The following ROBO2 variants were observed in gnomAD, a reference collection of about 807,000 sequenced individuals.
The protein encoded by ROBO2 is roundabout guidance receptor 2.
In ROBO2, 53 loss-of-function variants were observed where a neutral mutation model predicts 160.8. The observed-to-expected ratio is 0.33, with a 90% confidence interval of 0.26 to 0.41. The LOEUF is 0.41. Ranked by LOEUF, ROBO2 falls within the 10% of genes least tolerant of loss-of-function variation. ROBO2 has a pLI of 1.00. For missense variants in ROBO2, 1,577 were observed against 1,722.4 expected (o/e 0.92, Z 1.49); for synonymous variants, 664 against 611.7 (o/e 1.09, Z -1.26).
At chr3:76,034,804 A>G (rs765350348) in intron 2 of ROBO2, among the ~76,000 whole-genome samples, 2 of 152,036 alleles carry the variant, frequency 1.3e-5, no homozygotes, top group South Asian at 2.1e-4. Flanking sequence ...GGTTCCAGCT[A>G]TCATTCATCA....
Position 76,443,670 on chromosome 3 carries a change from A to AT in ROBO2, c.109+506076dup, listed in dbSNP as rs995095066. On this transcript the variant is annotated intron_variant, in intron 2 of 26. Coordinates refer to the ROBO2 transcript ENST00000487694. Reference sequence around the variant, plus strand: ...CAATTTAAGTGTCAGCTTCAGTCCAATTTTTTTTAGAGGCCACCTGCAACA... The same window carrying AT: ...CAATTTAAGTGTCAGCTTCAGTCCAATTTTTTTTTAGAGGCCACCTGCAACA... Among the ~76,000 whole-genome samples, 37 of 152,026 alleles carry AT rather than the reference A, an allele frequency of 2.4e-4. No individual in the cohort carries two copies. The South Asian group carries it at 2.9e-3, about 12-fold the overall frequency.
intron 2 of ROBO2, among the ~76,000 whole-genome samples, chr3:76,303,979 T>TA (rs1266163820): frequency 2.0e-5 from 3 of 152,200 alleles, no homozygotes; most frequent in African/African-American, 7.2e-5. Context: ...GAAAAAGGAA[T>TA]AAAAATATTT....
chr3:76,074,762 T>C (rs556684195), intron 2 of ROBO2, among the ~76,000 whole-genome samples: 1 of 152,294 alleles, frequency 6.6e-6, no homozygotes, highest in Middle Eastern at 3.4e-3. Flanking sequence ...CCACATATGC[T>C]AGTTTTTTAA....
intron 2 of ROBO2, among the ~76,000 whole-genome samples, chr3:76,266,638 GA>G: frequency 6.6e-6 from 1 of 152,172 alleles, no homozygotes; most frequent in Middle Eastern, 3.4e-3. Flanking sequence ...GATTTATTAT[GA>G]ATGTTCTGAA....
chr3:76,234,936 G>A (rs1704848330), intron 2 of ROBO2, among the ~76,000 whole-genome samples: 2 of 152,060 alleles, frequency 1.3e-5, no homozygotes, highest in Non-Finnish European at 2.9e-5. Flanking sequence ...AGTCTCTCTT[G>A]TAGCTGATTT....
At chr3:76,825,913 T>C (rs1484059246) in intron 2 of ROBO2, among the ~76,000 whole-genome samples, 1 of 152,084 alleles carries the variant, frequency 6.6e-6, no homozygotes, top group Non-Finnish European at 1.5e-5. Context: ...TACTGTTCTT[T>C]TGTTAATATT....
intron 1 of ROBO2, among the ~76,000 whole-genome samples, chr3:77,065,863 A>C (rs2149799367): frequency 6.6e-6 from 1 of 152,210 alleles, no homozygotes. Context: ...AATTGAGATG[A>C]ATGGTTTGGT....
intron 2 of ROBO2, among the ~76,000 whole-genome samples, chr3:76,098,113 T>C (rs1431789203): frequency 6.6e-6 from 1 of 152,154 alleles, no homozygotes; most frequent in Non-Finnish European, 1.5e-5. Flanking sequence ...TGTCATCATG[T>C]AGGTGTACGT....
At chr3:76,227,970 C>T (rs1300026207) in intron 2 of ROBO2, among the ~76,000 whole-genome samples, 1 of 152,066 alleles carries the variant, frequency 6.6e-6, no homozygotes, top group African/African-American at 2.4e-5. Flanking sequence ...GCCTAATATA[C>T]TCTATACAAA....
intron 2 of ROBO2, among the ~76,000 whole-genome samples, chr3:77,356,056 T>C (rs145610241): frequency 5.7e-4 from 87 of 152,300 alleles, no homozygotes; most frequent in African/African-American, 2.0e-3. Flanking sequence ...ATCCATTCTA[T>C]GGTAATACTT....
intron 2 of ROBO2, among the ~76,000 whole-genome samples, chr3:76,310,162 G>A (rs925904723): frequency 6.6e-6 from 1 of 152,034 alleles, no homozygotes. Flanking sequence ...CTTCACCCAC[G>A]TCATCTTCAT....
At chr3:77,568,338 G>A (rs1206152932) in exon 13 of ROBO2, 2 of 1,612,908 alleles carry the variant, frequency 1.2e-6, no homozygotes, top group South Asian at 2.2e-5. Context: ...CACAAGGAGT[G>A]GACCACAGGC....
chr3:77,442,884 A>G (rs2153555219), intron 2 of ROBO2, among the ~76,000 whole-genome samples: 1 of 152,340 alleles, frequency 6.6e-6, no homozygotes, highest in Non-Finnish European at 1.5e-5. Flanking sequence ...AGTAATAATA[A>G]ACACCTGAAT....
chr3:76,040,613 A>G (rs1024199750), intron 2 of ROBO2, among the ~76,000 whole-genome samples: 4 of 152,086 alleles, frequency 2.6e-5, no homozygotes, highest in African/African-American at 9.7e-5. Flanking sequence ...CAAATGTTTC[A>G]ATACTGTTTA....
intron 2 of ROBO2, among the ~76,000 whole-genome samples, chr3:76,368,365 T>C (rs2075937997): frequency 6.6e-6 from 1 of 151,990 alleles, no homozygotes; most frequent in Admixed American, 6.6e-5. Flanking sequence ...GTTCATGATT[T>C]TGTGGGTAAG....
At chr3:76,532,377 C>A (rs1392586594) in intron 2 of ROBO2, among the ~76,000 whole-genome samples, 1 of 152,144 alleles carries the variant, frequency 6.6e-6, no homozygotes, top group African/African-American at 2.4e-5. Context: ...TTGGAGGTTG[C>A]CCTGGTAATC....
intron 2 of ROBO2, among the ~76,000 whole-genome samples, chr3:76,018,839 A>C (rs1030287129): frequency 2.0e-5 from 3 of 151,884 alleles, no homozygotes; most frequent in Non-Finnish European, 4.4e-5. Context: ...TTCCAAGCGT[A>C]TCTGAGAATA....
chr3:77,461,026 T>C (rs574043654), intron 2 of ROBO2, among the ~76,000 whole-genome samples: 6 of 152,178 alleles, frequency 3.9e-5, no homozygotes, highest in Non-Finnish European at 7.4e-5. Context: ...TTTTGTACCA[T>C]TTTAAATGAT....
At chr3:76,321,119 A>C (rs971891068) in intron 2 of ROBO2, among the ~76,000 whole-genome samples, 5 of 152,190 alleles carry the variant, frequency 3.3e-5, no homozygotes, top group Non-Finnish European at 5.9e-5. Flanking sequence ...ACAATGCATG[A>C]CCTGTAAATT....
Sources: gnomAD v4.1 joint callset for allele counts (sites outside exome capture counted in the v4.1 genomes callset) on GRCh38, gnomAD v4.1.1 for gene constraint, MANE v1.5 for transcripts, NCBI Gene and HGNC (gene_info 2026-07-23, HGNC 2026-07-21) for gene names.